Variants in MED19 observed in about 807,000 individuals in gnomAD.
MED19 encodes mediator of RNA polymerase II transcription subunit 19.
In MED19, 4 loss-of-function variants were observed where a neutral mutation model predicts 19.9. The ratio of observed to expected loss-of-function variants is 0.20; its 90% CI spans 0.10 to 0.46. The LOEUF is 0.46. Ranked by LOEUF, MED19 falls within the 20% of genes least tolerant of loss-of-function variation. The pLI is 0.99. For synonymous variants in MED19, 139 were observed against 119.6 expected, an observed-to-expected ratio of 1.16 and a Z score of -1.06; for missense variants, 303 against 318.7, an observed-to-expected ratio of 0.95 and a Z score of 0.38.
chr11:57,709,755 C>G (rs997907680), intron 1 of MED19, among the ~76,000 whole-genome samples: 1 of 152,038 alleles, frequency 6.6e-6, no homozygotes, highest in Non-Finnish European at 1.5e-5. Context: ...GAGATGGGGT[C>G]TCATTATGTT....
rs1475032789 is a variant in MED19 at position 57,711,953 on chromosome 11, G to A, written c.217+10C>T. 1.5e-5 allele frequency: 21 copies of A among 1,432,676 alleles called. No individual in the cohort carries two copies. In the South Asian group the frequency reaches 2.8e-4, roughly 19 times the overall value. The allele number at this position is 1,432,676 out of a possible 1,614,324, so 88.7% of individuals were successfully genotyped here. ...TTGATTGGCTGGCTTTGGCAAGGCC[G>A]AGTACTCACCTGGCAGTTCCCTCAT... On this transcript the variant is annotated intron_variant, in intron 1 of 4. Transcript: ENST00000431606.
intron 1 of MED19, among the ~76,000 whole-genome samples, chr11:57,711,205 C>G (rs745522561): frequency 6.6e-6 from 1 of 152,202 alleles, no homozygotes; most frequent in Non-Finnish European, 1.5e-5. Context: ...CGATTCTTAT[C>G]CCTTTTTTGA....
intron 1 of MED19, among the ~76,000 whole-genome samples, chr11:57,707,678 T>C (rs757363631): frequency 3.3e-5 from 5 of 152,280 alleles, no homozygotes; most frequent in Non-Finnish European, 7.4e-5. Flanking sequence ...CACTGCCTCT[T>C]GCCATTACAA....
chr11:57,711,357 C>T (rs917621902), intron 1 of MED19, among the ~76,000 whole-genome samples: 1 of 152,076 alleles, frequency 6.6e-6, no homozygotes, highest in Admixed American at 6.6e-5. Flanking sequence ...AACTCAAACC[C>T]TGGATTTTGT....
At chr11:57,711,892 G>C in intron 1 of MED19, 71 bp downstream of exon 1, 5 of 1,366,248 alleles carry the variant, frequency 3.7e-6, no homozygotes, top group Non-Finnish European at 4.8e-6. Context: ...TCCGCTAGCC[G>C]GCTGAGAGCC....
intron 4 of MED19, 73 bp from the exon 5 acceptor site, chr11:57,704,179 C>A (rs867028978): frequency 7.2e-6 from 11 of 1,529,464 alleles, no homozygotes; most frequent in Non-Finnish European, 9.6e-6. Flanking sequence ...ACAGGAGAAA[C>A]CTGCAACCTG....
chr11:57,711,765 G>A (rs1946619315), intron 1 of MED19, among the ~76,000 whole-genome samples, 198 bp downstream of exon 1: 1 of 152,074 alleles, frequency 6.6e-6, no homozygotes, highest in Non-Finnish European at 1.5e-5. Context: ...CATCCCTTTG[G>A]TTGAATTCAA....
chr11:57,704,736 T>A (rs1300602074), exon 3 of MED19: 1 of 1,537,792 alleles, frequency 6.5e-7, no homozygotes, highest in Non-Finnish European at 8.8e-7. Context: ...GACAGGATCC[T>A]GGGTACGGCT....
chr11:57,705,265 C>A, intron 1 of MED19, 36 bp from the exon 2 acceptor site: 1 of 1,604,556 alleles, frequency 6.2e-7, no homozygotes, highest in Non-Finnish European at 8.5e-7. Context: ...AAAGATCAGT[C>A]TTCAAAGTAG....
At chr11:57,704,866 T>C (rs775436201) in intron 2 of MED19, 51 bp from the exon 3 acceptor site, 2 of 1,610,056 alleles carry the variant, frequency 1.2e-6, no homozygotes, top group East Asian at 2.2e-5. Flanking sequence ...AAATCTCTCC[T>C]GCTCTTATCA....
At chr11:57,711,071 G>A (rs1294809572) in intron 1 of MED19, among the ~76,000 whole-genome samples, 3 of 152,180 alleles carry the variant, frequency 2.0e-5, no homozygotes, top group African/African-American at 7.2e-5. Context: ...CTCCTCCACT[G>A]AAATGTACAT....
chr11:57,704,075 C>T (rs1946479297), exon 5 of MED19: 2 of 1,536,156 alleles, frequency 1.3e-6, no homozygotes, highest in Non-Finnish European at 1.7e-6. Context: ...CTGGGAGCTG[C>T]CCATACCTGG....
intron 1 of MED19, among the ~76,000 whole-genome samples, chr11:57,711,686 G>T (rs372605562): frequency 2.0e-5 from 3 of 152,154 alleles, no homozygotes; most frequent in Admixed American, 6.6e-5. Flanking sequence ...ATAAACCAGT[G>T]TCAGGGACAC....
chr11:57,711,446 G>C (rs180934821), intron 1 of MED19, among the ~76,000 whole-genome samples: 64 of 152,108 alleles, frequency 4.2e-4, no homozygotes, highest in African/African-American at 1.4e-3. Context: ...TCCGCCTCCC[G>C]GGGTTCAAAC....
At chr11:57,708,409 C>G (rs567748723) in intron 1 of MED19, among the ~76,000 whole-genome samples, 1 of 152,176 alleles carries the variant, frequency 6.6e-6, no homozygotes, top group Non-Finnish European at 1.5e-5. Flanking sequence ...CCAAATGGAT[C>G]TCCTTATCGC....
chr11:57,706,039 T>A (rs1309133512), intron 1 of MED19, among the ~76,000 whole-genome samples: 1 of 151,854 alleles, frequency 6.6e-6, no homozygotes, highest in South Asian at 2.1e-4. Context: ...CACCTTTACA[T>A]AAGAAAAGAA....
chr11:57,711,897 A>G (rs1325520500), intron 1 of MED19, 66 bp downstream of exon 1: 2 of 1,371,566 alleles, frequency 1.5e-6, no homozygotes, highest in Non-Finnish European at 1.9e-6. Flanking sequence ...TAGCCGGCTG[A>G]GAGCCACGCC....
At chr11:57,709,893 C>A (rs1184855057) in intron 1 of MED19, among the ~76,000 whole-genome samples, 3 of 152,156 alleles carry the variant, frequency 2.0e-5, no homozygotes, top group Admixed American at 6.6e-5. Flanking sequence ...GTCAGCTCTA[C>A]CTCTAACATC....
exon 4 of MED19, chr11:57,704,344 A>C: frequency 6.5e-7 from 1 of 1,535,452 alleles, no homozygotes; most frequent in Non-Finnish European, 8.7e-7. Context: ...TCCGTTCAGG[A>C]TCCTCTTCTT....
Sources: allele counts gnomAD v4.1 joint callset (sites outside exome capture counted in the v4.1 genomes callset), GRCh38; gene constraint gnomAD v4.1.1; transcripts MANE v1.5; gene names NCBI Gene and HGNC (gene_info 2026-07-23, HGNC 2026-07-21).